The following ANAPC10 variants were observed in gnomAD, a reference collection of about 807,000 sequenced individuals.
The protein encoded by ANAPC10 is anaphase-promoting complex subunit 10.
In ANAPC10, 12 loss-of-function variants were observed where a neutral mutation model predicts 22.0. The ratio of observed to expected loss-of-function variants is 0.55; its 90% CI spans 0.35 to 0.88. ANAPC10 has a LOEUF of 0.88. Among genes scored for constraint, ANAPC10 ranks in the 40% least tolerant of loss-of-function variants. The pLI is 0.01. For missense variants in ANAPC10, 188 were observed against 220.9 expected, an observed-to-expected ratio of 0.85 and a Z score of 0.94; for synonymous variants, 65 against 69.5, an observed-to-expected ratio of 0.94 and a Z score of 0.32.
intron 3 of ANAPC10, among the ~76,000 whole-genome samples, chr4:145,066,298 TAA>T (rs1343012171): frequency 6.6e-6 from 1 of 152,104 alleles, no homozygotes; most frequent in African/African-American, 2.4e-5. Context: ...ATTAGGTTTT[TAA>T]AAGAGGCCAA....
At chr4:145,059,082 T>C (rs879703486) in intron 4 of ANAPC10, among the ~76,000 whole-genome samples, 5 of 152,194 alleles carry the variant, frequency 3.3e-5, no homozygotes, top group Non-Finnish European at 5.9e-5. Flanking sequence ...TTTATGTTTA[T>C]AGATACTGCC....
intron 4 of ANAPC10, among the ~76,000 whole-genome samples, chr4:144,998,795 C>T (rs1450548688): frequency 1.3e-5 from 2 of 151,884 alleles, no homozygotes; most frequent in East Asian, 3.9e-4. Context: ...GATAGAGACA[C>T]AAAAAACCTT....
chr4:145,030,676 G>A (rs949538819), intron 4 of ANAPC10, among the ~76,000 whole-genome samples: 2 of 152,190 alleles, frequency 1.3e-5, no homozygotes, highest in African/African-American at 4.8e-5. Flanking sequence ...ATACTTAGCA[G>A]CTGGCAGAAC....
intron 1 of ANAPC10, among the ~76,000 whole-genome samples, chr4:145,096,773 C>A (rs1748593765): frequency 6.6e-6 from 1 of 151,906 alleles, no homozygotes; most frequent in East Asian, 1.9e-4. Flanking sequence ...TGGTCTTGAA[C>A]ACCTTGCTTC....
chr4:145,029,537 G>A (rs1737238282), intron 4 of ANAPC10, among the ~76,000 whole-genome samples: 1 of 152,174 alleles, frequency 6.6e-6, no homozygotes, highest in Non-Finnish European at 1.5e-5. Context: ...TTAAAGGTAT[G>A]GATAATGGTG....
At chr4:144,996,312 G>A (rs1385071878) in intron 4 of ANAPC10, among the ~76,000 whole-genome samples, 1 of 152,208 alleles carries the variant, frequency 6.6e-6, no homozygotes, top group Non-Finnish European at 1.5e-5. Context: ...ACTCCAGAAA[G>A]GAAACTCAGA....
rs147795539 is a variant in ANAPC10 at position 145,076,390 on chromosome 4, G to T, written c.206+5270C>A. On this transcript the variant is annotated intron_variant, in intron 3 of 4. Transcript: ENST00000507656. ...GAAACTAGTCAACTAAACCCAACTT[G>T]TACCACAGTAAAACCCTCGATGACA... 1.5e-3 allele frequency among the ~76,000 whole-genome samples: 225 copies of T among 152,254 alleles called. 1 individual carries two copies. The highest frequency in any genetic ancestry group is 5.1e-3 in the African/African-American group (211 of 41,548).
intron 4 of ANAPC10, among the ~76,000 whole-genome samples, chr4:144,998,359 A>T (rs910695975): frequency 2.6e-5 from 4 of 152,178 alleles, no homozygotes; most frequent in Non-Finnish European, 5.9e-5. Context: ...AATATAAAAG[A>T]ACAGAAATTA....
At chr4:145,059,065 A>C (rs1742494968) in intron 4 of ANAPC10, among the ~76,000 whole-genome samples, 1 of 152,180 alleles carries the variant, frequency 6.6e-6, no homozygotes, top group African/African-American at 2.4e-5. Context: ...CTGTCTTATC[A>C]AACCAATTTA....
chr4:145,009,239 T>C (rs944532651), intron 4 of ANAPC10, among the ~76,000 whole-genome samples: 2 of 152,056 alleles, frequency 1.3e-5, no homozygotes, highest in African/African-American at 4.8e-5. Context: ...ATCAATATCA[T>C]GAAAATGGCC....
At chr4:145,075,396 A>G (rs1168339516) in intron 3 of ANAPC10, among the ~76,000 whole-genome samples, 2 of 152,196 alleles carry the variant, frequency 1.3e-5, no homozygotes, top group Non-Finnish European at 2.9e-5. Context: ...ACCATCTTAA[A>G]TAAAACTTTT....
chr4:145,054,663 A>G (rs1432305136), intron 4 of ANAPC10, among the ~76,000 whole-genome samples: 1 of 143,372 alleles, frequency 7.0e-6, no homozygotes, highest in African/African-American at 2.6e-5. Flanking sequence ...GCGTGCGTGC[A>G]GCGCATGTGT....
chr4:145,032,742 C>T (rs1737817459), intron 4 of ANAPC10, among the ~76,000 whole-genome samples: 1 of 152,144 alleles, frequency 6.6e-6, no homozygotes, highest in East Asian at 1.9e-4. Flanking sequence ...CAGCAGAGAC[C>T]AACACTGAGC....
chr4:145,071,737 A>G (rs1744519073), intron 3 of ANAPC10, among the ~76,000 whole-genome samples: 1 of 152,172 alleles, frequency 6.6e-6, no homozygotes, highest in Non-Finnish European at 1.5e-5. Flanking sequence ...ACTACCATGT[A>G]AAAAAGAAGA....
At chr4:145,079,575 C>T (rs1353647467) in intron 3 of ANAPC10, among the ~76,000 whole-genome samples, 1 of 152,166 alleles carries the variant, frequency 6.6e-6, no homozygotes, top group African/African-American at 2.4e-5. Flanking sequence ...GACAAATGCA[C>T]ACATATGTTG....
chr4:145,076,532 A>G (rs1410742862), intron 3 of ANAPC10, among the ~76,000 whole-genome samples: 2 of 152,256 alleles, frequency 1.3e-5, no homozygotes, highest in African/African-American at 4.8e-5. Context: ...CAAGTCTAAA[A>G]CACAGAGTGT....
Position 145,030,637 on chromosome 4 carries a change from C to CA in ANAPC10, c.327+33934dup, listed in dbSNP as rs1339143964. Among the ~76,000 whole-genome samples, 18 of 152,300 alleles carry CA rather than the reference C, an allele frequency of 1.2e-4. No homozygotes were observed. The South Asian group carries it at 3.5e-3, about 30-fold the overall frequency. ...CAGACTCATCCTGTGGTCATTTCCC[C>CA]AGTGCCAGAATGCATAATTGGCATA... is the stretch of plus-strand genomic sequence containing the variant. On this transcript the variant is annotated intron_variant, in intron 4 of 4. Coordinates refer to ENST00000507656, the MANE Select transcript of ANAPC10 (RefSeq NM_001256706.2).
At chr4:145,026,310 G>T (rs1560839198) in intron 4 of ANAPC10, among the ~76,000 whole-genome samples, 1 of 152,190 alleles carries the variant, frequency 6.6e-6, no homozygotes, top group Non-Finnish European at 1.5e-5. Context: ...GAATATATCA[G>T]TGAAACCAAG....
intron 4 of ANAPC10, among the ~76,000 whole-genome samples, chr4:145,020,497 A>C (rs1735815985): frequency 6.6e-6 from 1 of 152,190 alleles, no homozygotes; most frequent in Non-Finnish European, 1.5e-5. Flanking sequence ...AAAAGTTGAA[A>C]GCATTCCCTC....
Sources: allele counts gnomAD v4.1 joint callset (sites outside exome capture counted in the v4.1 genomes callset), GRCh38; gene constraint gnomAD v4.1.1; transcripts MANE v1.5; gene names NCBI Gene and HGNC (gene_info 2026-07-23, HGNC 2026-07-21).